Variants in FGGY observed in about 807,000 individuals in gnomAD.
FGGY encodes the protein FGGY carbohydrate kinase domain-containing protein.
Under a neutral mutation model 71.3 loss-of-function variants are expected in FGGY, and 72 were observed. The ratio of observed to expected loss-of-function variants is 1.01; its 90% CI spans 0.84 to 1.23. FGGY has a LOEUF of 1.23. Ranked by LOEUF, FGGY falls within the 50% of genes most tolerant of loss-of-function variation. FGGY has a pLI of 0.00. For missense variants in FGGY, 668 were observed against 682.3 expected, an observed-to-expected ratio of 0.98 and a Z score of 0.23; for synonymous variants, 251 against 250.3, an observed-to-expected ratio of 1.00 and a Z score of -0.02.
chr1:59,733,553 T>C (rs2098068259), intron 14 of FGGY, among the ~76,000 whole-genome samples: 1 of 152,146 alleles, frequency 6.6e-6, no homozygotes, highest in African/African-American at 2.4e-5. Context: ...ACAAATTCAT[T>C]TCTTACTAAA....
At chr1:59,330,568 CA>C (rs530024547) in intron 2 of FGGY, among the ~76,000 whole-genome samples, 188 of 122,250 alleles carry the variant, frequency 1.5e-3, no homozygotes, top group African/African-American at 1.6e-3. Flanking sequence ...GACTCCATCT[CA>C]AAAAAAAAAA....
intron 6 of FGGY, among the ~76,000 whole-genome samples, chr1:59,497,735 A>C (rs557552061): frequency 6.6e-6 from 1 of 152,272 alleles, no homozygotes; most frequent in African/African-American, 2.4e-5. Context: ...TCCTTTCTGC[A>C]CACAGAAGGC....
At chr1:59,719,152 TC>T (rs1328092867) in intron 14 of FGGY, among the ~76,000 whole-genome samples, 1 of 152,206 alleles carries the variant, frequency 6.6e-6, no homozygotes, top group African/African-American at 2.4e-5. Context: ...TCCCACCTGT[TC>T]CTAGCCTAGG....
intron 6 of FGGY, among the ~76,000 whole-genome samples, chr1:59,479,624 G>C (rs765315003): frequency 2.6e-5 from 4 of 152,194 alleles, no homozygotes; most frequent in African/African-American, 4.8e-5. Flanking sequence ...TCTTTGTGAA[G>C]TAAAAAGTGA....
intron 5 of FGGY, among the ~76,000 whole-genome samples, chr1:59,415,815 A>G (rs887287716): frequency 2.6e-5 from 4 of 152,234 alleles, no homozygotes; most frequent in Non-Finnish European, 5.9e-5. Flanking sequence ...GGCTACTGGA[A>G]GTTCTCAAGC....
chr1:59,354,361 G>A (rs2053885285), intron 4 of FGGY, among the ~76,000 whole-genome samples: 2 of 152,196 alleles, frequency 1.3e-5, no homozygotes, highest in Non-Finnish European at 2.9e-5. Context: ...TTACAGGTGT[G>A]AGCCACTGTG....
intron 6 of FGGY, among the ~76,000 whole-genome samples, chr1:59,465,753 C>T (rs2092582341): frequency 6.6e-6 from 1 of 152,196 alleles, no homozygotes; most frequent in Non-Finnish European, 1.5e-5. Flanking sequence ...TTCCCATTCA[C>T]AATTGCTACA....
chr1:59,452,639 A>G (rs1391608267), intron 5 of FGGY, among the ~76,000 whole-genome samples: 1 of 152,194 alleles, frequency 6.6e-6, no homozygotes, highest in African/African-American at 2.4e-5. Flanking sequence ...TGACTTTCAT[A>G]TAGGTTTTTA....
chr1:59,543,801 A>G (rs956299221), intron 7 of FGGY, among the ~76,000 whole-genome samples: 1 of 150,606 alleles, frequency 6.6e-6, no homozygotes, highest in Admixed American at 6.6e-5. Flanking sequence ...GGTTTGTTTT[A>G]TGTTTTTGAG....
chr1:59,640,489 T>C (rs1482731016), intron 11 of FGGY, among the ~76,000 whole-genome samples: 1 of 152,168 alleles, frequency 6.6e-6, no homozygotes, highest in Non-Finnish European at 1.5e-5. Context: ...CCTACCTTCA[T>C]GGAGTATGTT....
At chr1:59,309,195 T>C (rs1416827136) in intron 1 of FGGY, among the ~76,000 whole-genome samples, 5 of 152,206 alleles carry the variant, frequency 3.3e-5, no homozygotes, top group Admixed American at 3.3e-4. Flanking sequence ...TCCCACACTT[T>C]TGCCAAGTGG....
chr1:59,588,348 GA>G lies in FGGY; in HGVS notation c.904-19453del, dbSNP rs566916355. On this transcript the variant is annotated intron_variant, in intron 8 of 15. Coordinates refer to ENST00000303721, the MANE Select transcript of FGGY (RefSeq NM_018291.5). ...GTACCTGAAAGTGACGGAGAGAATG[GA>G]ACCAAGTTGAAAAACACTCTGCAGG... Among the ~76,000 whole-genome samples, 715 of 152,082 alleles carry G rather than the reference GA, an allele frequency of 4.7e-3. 9 individuals carry two copies. The highest frequency in any genetic ancestry group is 0.016 in the African/African-American group (678 of 41,432).
intron 8 of FGGY, among the ~76,000 whole-genome samples, chr1:59,567,275 G>T (rs1311591098): frequency 1.3e-5 from 2 of 152,062 alleles, no homozygotes; most frequent in African/African-American, 4.8e-5. Flanking sequence ...TTTTATCTGT[G>T]CACAACCGAG....
chr1:59,412,541 G>A (rs2063755606), intron 5 of FGGY, among the ~76,000 whole-genome samples: 1 of 151,728 alleles, frequency 6.6e-6, no homozygotes, highest in Non-Finnish European at 1.5e-5. Flanking sequence ...CTCTTCCTTG[G>A]GTCTGCTGTC....
chr1:59,742,478 C>G (rs556851629), intron 14 of FGGY, among the ~76,000 whole-genome samples: 21 of 152,182 alleles, frequency 1.4e-4, no homozygotes, highest in Non-Finnish European at 2.4e-4. Flanking sequence ...TCTAGTTTTC[C>G]TTTCTCCTCT....
rs1168124791 is a variant in FGGY, at chr1:59,383,097, G to A, written c.554+4260G>A. Among the ~76,000 whole-genome samples the A allele has an allele frequency of 2.0e-5, 3 of 152,132 alleles. No homozygotes were observed. In the East Asian group the frequency reaches 5.9e-4, roughly 30 times the overall value. Reference sequence around the variant, plus strand: ...TTGTCACTCTTTTTGTCTATAGCATGGAGATTGTTATACCTATTTTGCAAA... The same window carrying A: ...TTGTCACTCTTTTTGTCTATAGCATAGAGATTGTTATACCTATTTTGCAAA... On this transcript the variant is annotated intron_variant, in intron 5 of 15. Transcript: ENST00000303721.
chr1:59,605,483 C>T (rs1037908865), intron 8 of FGGY, among the ~76,000 whole-genome samples: 6 of 152,168 alleles, frequency 3.9e-5, no homozygotes, highest in African/African-American at 1.4e-4. Context: ...GGACTGGGAA[C>T]TCAGGAAACA....
intron 14 of FGGY, among the ~76,000 whole-genome samples, chr1:59,705,346 C>T (rs1009121324): frequency 6.6e-6 from 1 of 152,080 alleles, no homozygotes. Context: ...CTGTGTTTTT[C>T]AGACTGATAA....
At chr1:59,702,915 C>A (rs2097721575) in intron 14 of FGGY, among the ~76,000 whole-genome samples, 1 of 152,184 alleles carries the variant, frequency 6.6e-6, no homozygotes, top group Non-Finnish European at 1.5e-5. Context: ...CTGTCCTAAT[C>A]TGCCATACAC....
Sources: gnomAD v4.1 joint callset for allele counts (sites outside exome capture counted in the v4.1 genomes callset) on GRCh38, gnomAD v4.1.1 for gene constraint, MANE v1.5 for transcripts, NCBI Gene and HGNC (gene_info 2026-07-23, HGNC 2026-07-21) for gene names.